IGF2R: variants seen among roughly 807,000 people sequenced by gnomAD.
IGF2R encodes cation-independent mannose-6-phosphate receptor.
IGF2R carries 91 observed loss-of-function variants against 270.6 expected under a neutral mutation model. The ratio of observed to expected loss-of-function variants is 0.34; its 90% CI spans 0.28 to 0.40. The LOEUF (loss-of-function observed/expected upper bound fraction) is 0.40, where lower values mean the gene tolerates loss of function less well. Among genes scored for constraint, IGF2R ranks in the 10% least tolerant of loss-of-function variants. The probability of loss-of-function intolerance (pLI) is 1.00; values close to 1 mark genes in which losing one functional copy is unlikely to be tolerated. For synonymous variants in IGF2R, 1,316 were observed against 1,258.9 expected (o/e 1.05, Z -0.96); for missense variants, 2,805 against 3,188.3 (o/e 0.88, Z 2.90).
At chr6:160,046,740 T>C in intron 15 of IGF2R, 95 bp downstream of exon 15, 1 of 1,285,532 alleles carries the variant, frequency 7.8e-7, no homozygotes, top group Admixed American at 2.4e-5. Flanking sequence ...ATGTCATTGC[T>C]TTATGACAAG....
At chr6:160,093,870 T>C in intron 44 of IGF2R, 1 of 726,860 alleles carries the variant, frequency 1.4e-6, no homozygotes, top group Non-Finnish European at 2.6e-6. Flanking sequence ...CTGGGCAGTA[T>C]CGCAGACAGG....
chr6:160,056,550 C>T (rs746770106), intron 20 of IGF2R, 25 bp downstream of exon 20: 6 of 1,463,044 alleles, frequency 4.1e-6, no homozygotes, highest in African/African-American at 1.4e-5. Flanking sequence ...ACCTGGCCCT[C>T]GTGCTGAGCT....
At chr6:160,047,978 G>C in intron 17 of IGF2R, 71 bp downstream of exon 17, 3 of 998,226 alleles carry the variant, frequency 3.0e-6, no homozygotes, top group South Asian at 2.6e-5. Context: ...GCTGGTGAGC[G>C]TGTGACTGAG....
At chr6:160,085,378 G>A (rs1233099399) in intron 41 of IGF2R, among the ~76,000 whole-genome samples, 1 of 152,134 alleles carries the variant, frequency 6.6e-6, no homozygotes, top group Non-Finnish European at 1.5e-5. Context: ...TCGGGGAAGT[G>A]CGTCTATCCA....
intron 7 of IGF2R, 112 bp downstream of exon 7, chr6:160,029,767 C>T: frequency 2.9e-6 from 2 of 697,036 alleles, no homozygotes; most frequent in South Asian, 1.7e-5. Context: ...AAGCTGGGAG[C>T]CATGACAGAG....
chr6:160,047,461 A>G, intron 16 of IGF2R, 125 bp downstream of exon 16: 1 of 825,714 alleles, frequency 1.2e-6, no homozygotes. Context: ...TAGATTTGCC[A>G]GGGTGCCTGG....
rs981390961 is a variant in IGF2R at position 160,109,505 on chromosome 6, C to G, written c.*4421C>G. The G allele has an allele frequency of 6.6e-6, 1 of 152,194 alleles. No individual in the cohort carries two copies. The highest frequency in any genetic ancestry group is 2.4e-5 in the African/African-American group (1 of 41,436). The allele number at this position is 152,194 out of a possible 1,614,324, so 9.4% of individuals were successfully genotyped here. The stretch of plus-strand genomic sequence containing the variant: ...TTGAGACTAAGTTCCCTCCTATCAC[C>G]AGACATTTCTACAAATGAGGACCTT... On this transcript the variant is annotated 3_prime_UTR_variant, in exon 48 of 48. Coordinates refer to ENST00000356956, the MANE Select transcript of IGF2R (RefSeq NM_000876.4).
intron 32 of IGF2R, among the ~76,000 whole-genome samples, chr6:160,072,435 A>AAGGCAC (rs1045925840): frequency 5.9e-5 from 9 of 152,186 alleles, no homozygotes; most frequent in African/African-American, 1.9e-4. Context: ...GGCACCCAGA[A>AAGGCAC]AGGCACAGGC....
At chr6:159,989,973 A>T (rs897703755) in intron 1 of IGF2R, among the ~76,000 whole-genome samples, 1 of 152,198 alleles carries the variant, frequency 6.6e-6, no homozygotes, top group African/African-American at 2.4e-5. Context: ...TTGAACAATG[A>T]GTGTTAATGC....
rs148961271 is a variant in IGF2R, at chr6:159,993,484, G to A, written c.289+2161G>A. On this transcript the variant is annotated intron_variant, in intron 2 of 47. Transcript: ENST00000356956. ...CGTTTATTGAATAGGGTGTCCCTTC[G>A]CCAGTGTTATGTTTTTGTCAACTTT... is the stretch of plus-strand genomic sequence containing the variant. 3.4e-3 allele frequency among the ~76,000 whole-genome samples: 520 copies of A among 152,108 alleles called. 3 individuals are homozygous for A. The highest frequency in any genetic ancestry group is 0.012 in the African/African-American group (496 of 41,498).
rs547519043 is a variant in IGF2R at position 160,102,112 on chromosome 6, C to T, written c.6843-407C>T. ...CATGGTGGGCTGCGCTCACTGCTTC[C>T]AGAAGAAATTCTGAGAGGAAAGAGC... On this transcript the variant is annotated intron_variant, in intron 45 of 47. Transcript: ENST00000356956. The surrounding 1 kb of genome is among the most constrained non-coding windows in gnomAD (Gnocchi z 4.5). 6.6e-6 allele frequency among the ~76,000 whole-genome samples: 1 copy of T among 152,210 alleles called. No individual in the cohort carries two copies. The highest frequency in any genetic ancestry group is 1.5e-5 in the Non-Finnish European group (1 of 68,036).
intron 1 of IGF2R, among the ~76,000 whole-genome samples, chr6:159,984,008 G>A (rs1255583277): frequency 1.3e-5 from 2 of 152,218 alleles, no homozygotes; most frequent in Non-Finnish European, 2.9e-5. Flanking sequence ...AGAAGTTTAA[G>A]CTTGGGGAAG....
rs1171583658 is a variant in IGF2R, at chr6:160,111,099, A to C, written c.*6015A>C. On this transcript the variant is annotated 3_prime_UTR_variant, in exon 48 of 48. Coordinates refer to ENST00000356956, the MANE Select transcript of IGF2R (RefSeq NM_000876.4). ...AAATAAAAGGAAATTATTTGAGGTGATGGATATGTTTAACTAGCTTGACTG... is the reference window on the plus strand; with the variant it reads ...AAATAAAAGGAAATTATTTGAGGTGCTGGATATGTTTAACTAGCTTGACTG... 1 of 152,226 alleles carries C rather than the reference A, an allele frequency of 6.6e-6. No individual in the cohort carries two copies. The highest frequency in any genetic ancestry group is 6.5e-5 in the Admixed American group (1 of 15,288). The allele number at this position is 152,226 out of a possible 1,614,324, so 9.4% of individuals were successfully genotyped here.
At position 159,998,647 on chromosome 6, in the gene IGF2R, A is replaced by G. The variant is rs769658374; in HGVS notation, c.289+7324A>G. Among the ~76,000 whole-genome samples the G allele has an allele frequency of 1.4e-4, 22 of 152,292 alleles. No homozygotes were observed. Among genetic ancestry groups the G allele is most frequent in the Non-Finnish European group, 2.6e-4 (18 of 68,022 alleles). On this transcript the variant is annotated intron_variant, in intron 2 of 47. Transcript: ENST00000356956. The surrounding 1 kb of genome is among the most constrained non-coding windows in gnomAD (Gnocchi z 4.1). ...AGTTTCCAATCTCATTTTTTCCCCC[A>G]GATATGTGTGACAGATCCCTTTCCC...
rs184736040 is a variant in IGF2R at position 160,062,913 on chromosome 6, C to T, written c.3670+294C>T. ...TTGTTTGATGAAGCAAGTCTTTATTCGGGGACCTAGACTTTCCTAGAAAGC... is the reference window on the plus strand; with the variant it reads ...TTGTTTGATGAAGCAAGTCTTTATTTGGGGACCTAGACTTTCCTAGAAAGC... On this transcript the variant is annotated intron_variant, in intron 26 of 47. Transcript: ENST00000356956. Among the ~76,000 whole-genome samples the T allele has an allele frequency of 1.1e-4, 16 of 149,708 alleles. 1 individual carries two copies. Among genetic ancestry groups the T allele is most frequent in the Admixed American group, 8.7e-4 (13 of 14,954 alleles).
chr6:160,036,066 G>A (rs1388884227), intron 10 of IGF2R, among the ~76,000 whole-genome samples: 1 of 152,176 alleles, frequency 6.6e-6, no homozygotes, highest in African/African-American at 2.4e-5. Context: ...GATGACCCTG[G>A]AACGGTGAGT....
Position 160,061,609 on chromosome 6 carries a change from C to T in IGF2R, c.3369C>T (p.Ser1123=), listed in dbSNP as rs781214253. 52 of 1,613,970 alleles carry T rather than the reference C, an allele frequency of 3.2e-5. No homozygotes were observed. The East Asian group carries it at 8.5e-4, about 26-fold the overall frequency. Residue 1123 remains serine, a synonymous_variant, in exon 24 of 48, where the codon AGC becomes AGT. Coordinates refer to ENST00000356956, the MANE Select transcript of IGF2R (RefSeq NM_000876.4). ...VDGRKRTFYL[S]VCNPLPYIPG... is the part of the protein sequence containing the mutation. ...GGAGAAAGAGGACTTTCTATTTGAG[C>T]GTTTGCAATCCTCTCCCTTACATTC...
chr6:160,103,840 G>C (rs201417797), intron 47 of IGF2R, 25 bp downstream of exon 47: 6 of 1,530,582 alleles, frequency 3.9e-6, no homozygotes, highest in Admixed American at 1.7e-5. Flanking sequence ...CGAGTCTCTT[G>C]AAGGCCTGCC....
intron 10 of IGF2R, among the ~76,000 whole-genome samples, chr6:160,039,155 A>G (rs376276799): frequency 8.5e-5 from 13 of 152,318 alleles, no homozygotes; most frequent in African/African-American, 2.6e-4. Flanking sequence ...CTTAACACAC[A>G]CCTAGATGGT....
Sources: allele counts gnomAD v4.1 joint callset (sites outside exome capture counted in the v4.1 genomes callset), GRCh38; gene constraint gnomAD v4.1.1; non-coding constraint Gnocchi (gnomAD v3.1); transcripts MANE v1.5; gene names NCBI Gene and HGNC (gene_info 2026-07-23, HGNC 2026-07-21).